Variants in ACVR1 observed in about 807,000 individuals in gnomAD.
The protein encoded by ACVR1 is activin receptor type-1.
Under a neutral mutation model 57.1 loss-of-function variants are expected in ACVR1, and 38 were observed. The observed-to-expected ratio is 0.67, with a 90% CI of 0.51 to 0.87. The LOEUF is 0.87. ACVR1 is among the 40% of genes least tolerant of loss of function. The pLI is 0.00. For synonymous variants in ACVR1, 212 were observed against 228.1 expected (o/e 0.93, Z 0.63); for missense variants, 463 against 638.2 (o/e 0.73, Z 2.96).
intron 3 of ACVR1, among the ~76,000 whole-genome samples, chr2:157,787,496 T>G (rs1349172204): frequency 6.6e-6 from 1 of 152,146 alleles, no homozygotes; most frequent in East Asian, 1.9e-4. Flanking sequence ...GCTCTAGTTA[T>G]AGGGAGAGTA....
At chr2:157,828,433 G>C (rs1688466889) in intron 1 of ACVR1, among the ~76,000 whole-genome samples, 1 of 136,256 alleles carries the variant, frequency 7.3e-6, no homozygotes, top group Non-Finnish European at 1.5e-5. Flanking sequence ...CTAGGCAACA[G>C]AGCAAGACTC....
chr2:157,786,583 A>AGATTAATATT (rs1686719892), intron 3 of ACVR1, among the ~76,000 whole-genome samples: 1 of 152,176 alleles, frequency 6.6e-6, no homozygotes, highest in African/African-American at 2.4e-5. Flanking sequence ...CGAATATAGA[A>AGATTAATATT]GATTAATATT....
At chr2:157,842,341 A>G (rs1332206838) in intron 1 of ACVR1, among the ~76,000 whole-genome samples, 1 of 152,188 alleles carries the variant, frequency 6.6e-6, no homozygotes, top group African/African-American at 2.4e-5. Flanking sequence ...AGAGTACAGA[A>G]AGCGTTCTGA....
chr2:157,832,869 T>G (rs891812481), intron 1 of ACVR1, among the ~76,000 whole-genome samples: 1 of 152,202 alleles, frequency 6.6e-6, no homozygotes, highest in Non-Finnish European at 1.5e-5. Flanking sequence ...ATTTGTGATA[T>G]TGCAACTCTT....
chr2:157,736,757 A>T lies in ACVR1; in HGVS notation c.*774T>A, dbSNP rs55910418. The T allele has an allele frequency of 2.9e-6, 1 of 344,314 alleles. No individual in the cohort carries two copies. The highest frequency in any genetic ancestry group is 1.4e-4 in the South Asian group (1 of 7,282). The allele number at this position is 344,314 out of a possible 1,614,324, so 21.3% of individuals were successfully genotyped here. A position where few individuals can be genotyped will look rare whatever the true frequency, so the allele number is the denominator to read the frequency against. On this transcript the variant is annotated 3_prime_UTR_variant, in exon 11 of 11. Coordinates refer to ENST00000434821, the MANE Select transcript of ACVR1 (RefSeq NM_001111067.4). ...AAATGTGATTTTAACTGATAATAAA[A>T]GAAAATGTCCATTTTAGAGTATAGT...
At chr2:157,825,226 GC>G (rs1247851993) in intron 1 of ACVR1, among the ~76,000 whole-genome samples, 4 of 152,190 alleles carry the variant, frequency 2.6e-5, no homozygotes, top group Non-Finnish European at 4.4e-5. Flanking sequence ...GCCTTTTAGA[GC>G]AGCTAGTAGC....
chr2:157,747,776 A>G (rs1685029783), intron 9 of ACVR1, among the ~76,000 whole-genome samples: 1 of 152,138 alleles, frequency 6.6e-6, no homozygotes. Context: ...CATTGTGTGT[A>G]TACACACGTG....
intron 1 of ACVR1, among the ~76,000 whole-genome samples, chr2:157,821,214 A>T (rs1448897109): frequency 6.6e-6 from 1 of 152,192 alleles, no homozygotes; most frequent in Non-Finnish European, 1.5e-5. Context: ...CCCCAAAAAG[A>T]TATACACACT....
At chr2:157,777,380 C>T (rs746643721) in intron 5 of ACVR1, among the ~76,000 whole-genome samples, 6 of 152,016 alleles carry the variant, frequency 3.9e-5, no homozygotes, top group Admixed American at 3.3e-4. Flanking sequence ...AAAATACACA[C>T]AAGATTTTGA....
intron 1 of ACVR1, among the ~76,000 whole-genome samples, chr2:157,865,568 G>A (rs777194229): frequency 4.4e-4 from 67 of 152,222 alleles, no homozygotes; most frequent in Non-Finnish European, 7.2e-4. Context: ...GAGGCGGGCA[G>A]ATCACCTGAG....
intron 9 of ACVR1, among the ~76,000 whole-genome samples, chr2:157,753,274 AATC>A (rs1206746138): frequency 1.3e-5 from 2 of 152,258 alleles, no homozygotes; most frequent in African/African-American, 4.8e-5. Context: ...TCACGCCTGT[AATC>A]CCAACACTTT....
At chr2:157,786,798 G>A (rs758549922) in intron 3 of ACVR1, among the ~76,000 whole-genome samples, 1 of 152,116 alleles carries the variant, frequency 6.6e-6, no homozygotes, top group African/African-American at 2.4e-5. Flanking sequence ...CCTGCAACTC[G>A]TCAGCTTGGA....
Position 157,760,968 on chromosome 2 carries a change from C to A in ACVR1, c.1176G>T (p.Gln392His). 1.2e-6 allele frequency: 2 copies of A among 1,614,124 alleles called. No individual in the cohort carries two copies. The highest frequency in any genetic ancestry group is 1.7e-6 in the Non-Finnish European group (2 of 1,179,996). ...TTTTATAAGAATCGAAACAATCCAC[C>A]TGGATGGTTTCATCTAGAACTTCGG... ...MAPEVLDETI[Q>H]VDCFDSYKRV... The change falls in exon 9 of 11, where the codon CAG (glutamine) becomes CAT (histidine). Residue 392 changes from glutamine (Q) to histidine (H), a missense_variant. Physicochemically the swap from Gln to His is conservative, Grantham distance 24. This residue lies in a region of ACVR1 where 146 missense variants were observed against 186.6 expected (regional missense o/e 0.78). Transcript: ENST00000434821.
chr2:157,842,704 A>G (rs968305851), intron 1 of ACVR1, among the ~76,000 whole-genome samples: 1 of 152,146 alleles, frequency 6.6e-6, no homozygotes, highest in African/African-American at 2.4e-5. Flanking sequence ...AGATGATGCA[A>G]TTTACTCAAT....
chr2:157,799,502 T>C lies in ACVR1; in HGVS notation c.-7-2A>G, dbSNP rs1357486770. 2 of 1,607,166 alleles carry C rather than the reference T, an allele frequency of 1.2e-6. No homozygotes were observed. The highest frequency in any genetic ancestry group is 1.7e-6 in the Non-Finnish European group (2 of 1,174,008). ...ATCACTCCATCTACCATTGTACAAC[T>C]GTAAAGGGAAAAGAAGAGATGTAAG... is the stretch of plus-strand genomic sequence containing the variant. On this transcript the variant is annotated splice_acceptor_variant, in intron 2 of 10. Transcript: ENST00000434821. LOFTEE classifies it low-confidence loss of function (5UTR_SPLICE).
chr2:157,772,407 G>A (rs1049863281), intron 6 of ACVR1, among the ~76,000 whole-genome samples: 2 of 152,116 alleles, frequency 1.3e-5, no homozygotes, highest in Non-Finnish European at 2.9e-5. Flanking sequence ...ACTAAAAGCT[G>A]TACCACATGA....
intron 1 of ACVR1, among the ~76,000 whole-genome samples, chr2:157,838,910 GCAATCCAT>G (rs1688881651): frequency 6.6e-6 from 1 of 152,094 alleles, no homozygotes; most frequent in Non-Finnish European, 1.5e-5. Flanking sequence ...CAGGTGTCAA[GCAATCCAT>G]CCTGCCCCTC....
intron 2 of ACVR1, among the ~76,000 whole-genome samples, chr2:157,812,866 A>T (rs1687799139): frequency 6.6e-6 from 1 of 152,220 alleles, no homozygotes; most frequent in Non-Finnish European, 1.5e-5. Flanking sequence ...CATCATATAA[A>T]GTGGTCCTTC....
At chr2:157,865,769 C>T (rs574209898) in intron 1 of ACVR1, among the ~76,000 whole-genome samples, 4 of 133,832 alleles carry the variant, frequency 3.0e-5, no homozygotes, top group South Asian at 2.4e-4. Context: ...CACTCCAGCC[C>T]GGGCAAAAAG....
Sources: gnomAD v4.1 joint callset for allele counts (sites outside exome capture counted in the v4.1 genomes callset) on GRCh38, gnomAD v4.1.1 for gene constraint, gnomAD v4.1.1 regional missense constraint, MANE v1.5 for transcripts, NCBI Gene and HGNC (gene_info 2026-07-23, HGNC 2026-07-21) for gene names.